NOS3: variants seen among roughly 807,000 people sequenced by gnomAD.
NOS3 encodes nitric oxide synthase 3.
NOS3 carries 98 observed loss-of-function variants against 144.9 expected under a neutral mutation model. The observed-to-expected ratio is 0.68, with a 90% CI of 0.57 to 0.80. The LOEUF (loss-of-function observed/expected upper bound fraction) is 0.80, where lower values mean the gene tolerates loss of function less well. Among genes scored for constraint, NOS3 ranks in the 30% least tolerant of loss-of-function variants. NOS3 has a pLI of 0.00. For missense variants in NOS3, 1,465 were observed against 1,656.4 expected, an observed-to-expected ratio of 0.88 and a Z score of 2.01; for synonymous variants, 714 against 702.4, an observed-to-expected ratio of 1.02 and a Z score of -0.26.
chr7:151,013,599 C>T (rs1190420752), intron 25 of NOS3, 125 bp from the exon 26 acceptor site: 13 of 1,062,344 alleles, frequency 1.2e-5, no homozygotes, highest in Non-Finnish European at 1.6e-5. Flanking sequence ...TGACACCGCC[C>T]CAGGGCACGC....
Position 151,010,301 on chromosome 7 carries a change from C to T in NOS3, c.2685+14C>T, listed in dbSNP as rs1219774042. 1.2e-6 allele frequency: 2 copies of T among 1,608,280 alleles called. No homozygotes were observed. Among genetic ancestry groups the T allele is most frequent in the Admixed American group, 1.7e-5 (1 of 59,512 alleles). On this transcript the variant is annotated intron_variant, in intron 21 of 26. Coordinates refer to ENST00000297494, the MANE Select transcript of NOS3 (RefSeq NM_000603.5). Reference sequence around the variant, plus strand: ...GCCCTCAGCCAGGTTGGGGGCCACCCCAATGAGGCACAGGGGCTAGAGAGA... The same window carrying T: ...GCCCTCAGCCAGGTTGGGGGCCACCTCAATGAGGCACAGGGGCTAGAGAGA...
rs750857933 is a variant in NOS3 at position 150,998,436 on chromosome 7, G to A, written c.662G>A (p.Arg221Gln). 3.7e-6 allele frequency: 6 copies of A among 1,612,398 alleles called. No individual in the cohort carries two copies. Among genetic ancestry groups the A allele is most frequent in the South Asian group, 2.2e-5 (2 of 90,996 alleles). The change falls in exon 6 of 27, where the codon CGG (arginine) becomes CAG (glutamine). Residue 221 changes from arginine to glutamine, a missense_variant. This residue lies in a region of NOS3 where 374 missense variants were observed against 377.0 expected (regional missense o/e 0.99). Coordinates refer to ENST00000297494, the MANE Select transcript of NOS3 (RefSeq NM_000603.5). The surrounding 1 kb of genome is among the most constrained non-coding windows in gnomAD (Gnocchi z 5.0). ...AACCACATCAAGTATGCCACCAACC[G>A]GGGCAACCTTCGGTGAGTGCCCCCC... ...ICNHIKYATNRGNLRSAITVF... is the reference protein window; with the variant it reads ...ICNHIKYATNQGNLRSAITVF...
chr7:151,004,417 T>C (rs916951561), intron 14 of NOS3, among the ~76,000 whole-genome samples: 1 of 152,236 alleles, frequency 6.6e-6, no homozygotes. Context: ...TGCAGTTCAA[T>C]GTATGTTAAT....
At chr7:150,991,996 CAAAA>C (rs796976419) in intron 1 of NOS3, among the ~76,000 whole-genome samples, 2 of 106,706 alleles carry the variant, frequency 1.9e-5, no homozygotes, top group Non-Finnish European at 4.1e-5. Context: ...GACTCTGTCT[CAAAA>C]AAAAAAAAAA....
intron 3 of NOS3, 73 bp downstream of exon 3, chr7:150,995,387 G>C: frequency 1.0e-6 from 1 of 977,014 alleles, no homozygotes; most frequent in Non-Finnish European, 1.6e-6. Flanking sequence ...GATGGGGCCG[G>C]AGAGGGAAGC....
chr7:151,007,749 C>T (rs181122640), intron 17 of NOS3, among the ~76,000 whole-genome samples: 12 of 152,346 alleles, frequency 7.9e-5, no homozygotes, highest in East Asian at 7.7e-4. Context: ...GAACTGGTCC[C>T]GGGCCGGGCA....
chr7:151,014,124 G>GCC lies in NOS3; in HGVS notation c.3569_3570dup (p.Trp1191ProfsTer45). On this transcript the variant is annotated frameshift_variant, in exon 27 of 27. Transcript: ENST00000297494. LOFTEE classifies it high-confidence loss of function. Reference sequence around the variant, plus strand: ...AGGAGCGTCAGTTGCGGGGCGCAGTGCCCTGGGCGTTCGACCCTCCCGGCT... The same window carrying GCC: ...AGGAGCGTCAGTTGCGGGGCGCAGTGCCCCCTGGGCGTTCGACCCTCCCGGCT... 2.5e-6 allele frequency: 4 copies of GCC among 1,612,340 alleles called. No homozygotes were observed. Among genetic ancestry groups the GCC allele is most frequent in the Non-Finnish European group, 3.4e-6 (4 of 1,178,970 alleles).
In NOS3 at chr7:151,010,962, A is replaced by AC; in HGVS notation, c.2963dup (p.Val989CysfsTer43). 3.7e-6 allele frequency: 6 copies of AC among 1,613,690 alleles called. No homozygotes were observed. Among genetic ancestry groups the AC allele is most frequent in the Non-Finnish European group, 5.1e-6 (6 of 1,179,824 alleles). ...TGGCTAAGCCAGCTCAAGCCCGGAG[A>AC]CCCTGTGCCCTGCTTCATCCGGGGG... On this transcript the variant is annotated frameshift_variant, in exon 23 of 27. Coordinates refer to ENST00000297494, the MANE Select transcript of NOS3 (RefSeq NM_000603.5). LOFTEE classifies it high-confidence loss of function.
chr7:150,999,171 C>A lies in NOS3; in HGVS notation c.957-19C>A. On this transcript the variant is annotated intron_variant, in intron 8 of 26. Coordinates refer to ENST00000297494, the MANE Select transcript of NOS3 (RefSeq NM_000603.5). ...AGGGCCTGCAAGGGGGTGCTGATCC[C>A]ACACCCCAACACCCCCAGGCTGGAG... 6.2e-7 allele frequency: 1 copy of A among 1,609,094 alleles called. No homozygotes were observed. Among genetic ancestry groups the A allele is most frequent in the African/African-American group, 1.3e-5 (1 of 74,820 alleles).
In NOS3 at chr7:151,010,888, C is replaced by T. The variant is rs1312178194; in HGVS notation, c.2897-11C>T. On this transcript the variant is annotated splice_polypyrimidine_tract_variant and intron_variant, in intron 22 of 26. Coordinates refer to ENST00000297494, the MANE Select transcript of NOS3 (RefSeq NM_000603.5). ...TCTGGCCCCTCACCGGCCTCTCCTTCCCACCCCCAGATGGGCTGGGCCCCC... is the reference window on the plus strand; with the variant it reads ...TCTGGCCCCTCACCGGCCTCTCCTTTCCACCCCCAGATGGGCTGGGCCCCC... 6.2e-7 allele frequency: 1 copy of T among 1,612,452 alleles called. No homozygotes were observed. The highest frequency in any genetic ancestry group is 8.5e-7 in the Non-Finnish European group (1 of 1,179,096).
At position 151,009,414 on chromosome 7, in the gene NOS3, G is replaced by C. The variant is rs200183107; in HGVS notation, c.2341G>C (p.Val781Leu). ...SSKSTRATIL[V>L]RLDTGGQEGL... Reference sequence around the variant, plus strand: ...CACCCCCAGGAGGGCCACCATCCTGGTGCGCCTGGACACCGGAGGCCAGGA... The same window carrying C: ...CACCCCCAGGAGGGCCACCATCCTGCTGCGCCTGGACACCGGAGGCCAGGA... Residue 781 changes from valine to leucine, a missense_variant, in exon 20 of 27, where the codon GTG (valine) becomes CTG (leucine). Coordinates refer to ENST00000297494, the MANE Select transcript of NOS3 (RefSeq NM_000603.5). The C allele has an allele frequency of 3.2e-6, 5 of 1,539,842 alleles. No individual in the cohort carries two copies. In the East Asian group the frequency reaches 1.2e-4, roughly 38 times the overall value.
intron 9 of NOS3, 53 bp from the exon 10 acceptor site, chr7:151,000,445 C>A (rs1795064203): frequency 1.8e-6 from 2 of 1,129,470 alleles, no homozygotes; most frequent in African/African-American, 1.5e-5. Context: ...CTCCCCACCC[C>A]ACCCCCGTGA....
At chr7:150,999,162 T>C (rs1291705688) in intron 8 of NOS3, 28 bp from the exon 9 acceptor site, 1 of 1,609,762 alleles carries the variant, frequency 6.2e-7, no homozygotes, top group Admixed American at 1.7e-5. Context: ...TGCAAGGGGG[T>C]GCTGATCCCA....
chr7:151,005,099 C>G (rs1795186270), intron 14 of NOS3, among the ~76,000 whole-genome samples: 1 of 152,010 alleles, frequency 6.6e-6, no homozygotes, highest in South Asian at 2.1e-4. Flanking sequence ...CTCAGCCTCC[C>G]AAAGTGCTGG....
At chr7:151,006,811 C>T (rs1415485599) in intron 15 of NOS3, 78 bp from the exon 16 acceptor site, 27 of 1,159,634 alleles carry the variant, frequency 2.3e-5, no homozygotes, top group Admixed American at 8.6e-5. Context: ...ACCCTGAAGC[C>T]GTCCCTGGGG....
rs9282803 is a variant in NOS3, at chr7:150,998,978, C to T, written c.849C>T (p.Asn283=). The T allele has an allele frequency of 6.6e-3, 10,608 of 1,612,522 alleles. 146 individuals are homozygous for T. In the African/African-American group the frequency reaches 0.068, roughly 10 times the overall value. Residue 283 remains asparagine, a synonymous_variant, in exon 8 of 27, where the codon AAC becomes AAT. Coordinates refer to ENST00000297494, the MANE Select transcript of NOS3 (RefSeq NM_000603.5). This position sits in a 1 kb window ranked among gnomAD's most constrained non-coding sequence, Gnocchi z 5.0. ...LCIQHGWTPG[N]GRFDVLPLLL... is the part of the protein sequence containing the mutation. ...TTCAGCACGGCTGGACCCCAGGAAA[C>T]GGTCGCTTCGACGTGCTGCCCCTGC... is the stretch of plus-strand genomic sequence containing the variant.
rs189701253 is a variant in NOS3, at chr7:151,002,157, C to T, written c.1648-43C>T. 3 of 1,471,472 alleles carry T rather than the reference C, an allele frequency of 2.0e-6. No individual in the cohort carries two copies. Among genetic ancestry groups the T allele is most frequent in the Non-Finnish European group, 2.8e-6 (3 of 1,068,668 alleles). 91.2% of individuals were successfully genotyped at this position (1,471,472 alleles called of 1,614,324 possible). On this transcript the variant is annotated intron_variant, in intron 13 of 26. Coordinates refer to ENST00000297494, the MANE Select transcript of NOS3 (RefSeq NM_000603.5). This position sits in a 1 kb window ranked among gnomAD's most constrained non-coding sequence, Gnocchi z 4.1. Reference sequence around the variant, plus strand: ...GGCCAGAGTGAGGAGGGCAGGGCCTCCGGGGGCCACAGCACCCAGGACATC... The same window carrying T: ...GGCCAGAGTGAGGAGGGCAGGGCCTTCGGGGGCCACAGCACCCAGGACATC...
Position 150,999,024 on chromosome 7 carries a change from C to T in NOS3, c.895C>T (p.Pro299Ser). 1 of 1,612,302 alleles carries T rather than the reference C, an allele frequency of 6.2e-7. No homozygotes were observed. The highest frequency in any genetic ancestry group is 8.5e-7 in the Non-Finnish European group (1 of 1,179,662). ...LPLLLQAPDDPPELFLLPPEL... is the reference protein window; with the variant it reads ...LPLLLQAPDDSPELFLLPPEL... ...CCTGCTGCTGCAGGCCCCAGATGAT[C>T]CCCCAGAACTCTTCCTTCTGCCCCC... is the stretch of plus-strand genomic sequence containing the variant. Residue 299 changes from proline to serine, a missense_variant, in exon 8 of 27, where the codon CCC becomes TCC. This residue lies in a region of NOS3 where 745 missense variants were observed against 853.9 expected (regional missense o/e 0.87). Coordinates refer to ENST00000297494, the MANE Select transcript of NOS3 (RefSeq NM_000603.5).
At chr7:150,999,506 C>A in intron 9 of NOS3, 142 bp downstream of exon 9, 1 of 883,970 alleles carries the variant, frequency 1.1e-6, no homozygotes, top group Non-Finnish European at 1.7e-6. Context: ...TGAGGACAAG[C>A]TCTAGAACCA....
Sources: gnomAD v4.1 joint callset for allele counts (sites outside exome capture counted in the v4.1 genomes callset) on GRCh38, gnomAD v4.1.1 for gene constraint, gnomAD v4.1.1 regional missense constraint, Gnocchi (gnomAD v3.1) non-coding constraint, MANE v1.5 for transcripts, NCBI Gene and HGNC (gene_info 2026-07-23, HGNC 2026-07-21) for gene names.